The following CACHD1 variants were observed in gnomAD, a reference collection of about 807,000 sequenced individuals.
CACHD1 encodes VWFA and cache domain-containing protein 1.
Under a neutral mutation model 138.7 loss-of-function variants are expected in CACHD1, and 71 were observed. The ratio of observed to expected loss-of-function variants is 0.51; its 90% CI spans 0.42 to 0.62. The LOEUF (loss-of-function observed/expected upper bound fraction) is 0.62. Among genes scored for constraint, CACHD1 ranks in the 20% least tolerant of loss-of-function variants. The probability of loss-of-function intolerance (pLI) is 0.00; values close to 1 mark genes in which losing one functional copy is unlikely to be tolerated. For synonymous variants in CACHD1, 578 were observed against 591.5 expected (o/e 0.98, Z 0.33); for missense variants, 1,389 against 1,625.3 (o/e 0.85, Z 2.50).
chr1:64,672,660 C>A (rs1243084225), intron 17 of CACHD1, among the ~76,000 whole-genome samples: 1 of 152,138 alleles, frequency 6.6e-6, no homozygotes, highest in South Asian at 2.1e-4. Context: ...TGGAACATAT[C>A]TTCCACAGAT....
intron 26 of CACHD1, 135 bp from the exon 27 acceptor site, chr1:64,691,188 C>A: frequency 1.4e-6 from 1 of 732,150 alleles, no homozygotes; most frequent in Admixed American, 2.3e-5. Context: ...TTAGCATCTG[C>A]TGACAGTCTG....
intron 4 of CACHD1, among the ~76,000 whole-genome samples, chr1:64,624,178 T>G (rs1193932889): frequency 6.6e-6 from 1 of 152,200 alleles, no homozygotes. Context: ...AAATAATGGA[T>G]GTAATTTAAT....
chr1:64,639,589 C>A (rs1313103563), intron 7 of CACHD1, among the ~76,000 whole-genome samples: 2 of 152,144 alleles, frequency 1.3e-5, no homozygotes, highest in African/African-American at 4.8e-5. Flanking sequence ...TTCTTAGAGT[C>A]AAATTTTGTT....
At chr1:64,603,435 A>T (rs200822550) in intron 4 of CACHD1, among the ~76,000 whole-genome samples, 1 of 152,174 alleles carries the variant, frequency 6.6e-6, no homozygotes, top group South Asian at 2.1e-4. Context: ...ATAGCTATAT[A>T]TGGTACATGC....
At position 64,641,935 on chromosome 1, in the gene CACHD1, C is replaced by T. The variant is rs1446039271; in HGVS notation, c.1122C>T (p.Asn374=). The change falls in exon 8 of 27, where the codon AAC becomes AAT. Residue 374 remains asparagine, a synonymous_variant. Transcript: ENST00000651257. ...VINEENSFLN[N]SVMILTYALM... is the part of the protein sequence containing the mutation. ...ATGAAGAAAATAGCTTTCTAAACAACTCTGTAATGATTCTCACCTATGCCC... is the reference window on the plus strand; with the variant it reads ...ATGAAGAAAATAGCTTTCTAAACAATTCTGTAATGATTCTCACCTATGCCC... The T allele has an allele frequency of 1.2e-6, 2 of 1,602,388 alleles. No homozygotes were observed. Among genetic ancestry groups the T allele is most frequent in the Non-Finnish European group, 1.7e-6 (2 of 1,176,216 alleles).
intron 1 of CACHD1, among the ~76,000 whole-genome samples, chr1:64,549,800 T>TA (rs1317659402): frequency 2.1e-4 from 32 of 151,312 alleles, no homozygotes; most frequent in African/African-American, 3.6e-4. Context: ...TTTTTATTTT[T>TA]TTTATTTTTT....
intron 1 of CACHD1, among the ~76,000 whole-genome samples, chr1:64,542,761 G>A (rs1309557713): frequency 1.3e-5 from 2 of 152,048 alleles, no homozygotes; most frequent in Non-Finnish European, 2.9e-5. Flanking sequence ...GATAAATTTA[G>A]GAGTAAGACA....
rs554492961 is a variant in CACHD1 at position 64,586,296 on chromosome 1, T to A, written c.410+3992T>A. Among the ~76,000 whole-genome samples, 12 of 152,314 alleles carry A rather than the reference T, an allele frequency of 7.9e-5. No homozygotes were observed. In the South Asian group the frequency reaches 1.0e-3, roughly 13 times the overall value. ...CCAGGCTGGTCTCAAGCTTCTGACC[T>A]CAGGTGATCCACCCACCTTGGCCTC... On this transcript the variant is annotated intron_variant, in intron 3 of 26. Coordinates refer to ENST00000651257, the MANE Select transcript of CACHD1 (RefSeq NM_020925.4).
intron 2 of CACHD1, among the ~76,000 whole-genome samples, chr1:64,577,750 A>G (rs1470706505): frequency 1.3e-5 from 2 of 152,230 alleles, no homozygotes; most frequent in African/African-American, 4.8e-5. Context: ...GAATGTTGCT[A>G]CATGAAAGAC....
intron 3 of CACHD1, among the ~76,000 whole-genome samples, chr1:64,585,206 A>G (rs1647042686): frequency 6.6e-6 from 1 of 152,212 alleles, no homozygotes; most frequent in South Asian, 2.1e-4. Context: ...ACATACACAC[A>G]TGCATACATT....
intron 7 of CACHD1, among the ~76,000 whole-genome samples, chr1:64,639,756 A>G (rs995169752): frequency 8.5e-5 from 13 of 152,238 alleles, no homozygotes; most frequent in African/African-American, 3.1e-4. Context: ...AAGGGTAGCT[A>G]TATTCATTAA....
rs1646356617 is a variant in CACHD1 at position 64,504,448 on chromosome 1, TA to T, written c.198+33508del. Among the ~76,000 whole-genome samples, 5 of 152,348 alleles carry T rather than the reference TA, an allele frequency of 3.3e-5. No individual in the cohort carries two copies. In the South Asian group the frequency reaches 1.0e-3, roughly 32 times the overall value. On this transcript the variant is annotated intron_variant, in intron 1 of 26. Transcript: ENST00000651257. Reference sequence around the variant, plus strand: ...TTCTTGAGGAACACAGTCTCTGACTTAATGAATTTTCTAGCAAGTCTCAACC... The same window carrying T: ...TTCTTGAGGAACACAGTCTCTGACTTATGAATTTTCTAGCAAGTCTCAACC...
chr1:64,513,705 G>A (rs1646438290), intron 1 of CACHD1, among the ~76,000 whole-genome samples: 1 of 152,194 alleles, frequency 6.6e-6, no homozygotes, highest in South Asian at 2.1e-4. Context: ...AAATGGAAAT[G>A]AGTAAAGTAG....
chr1:64,523,617 T>G (rs1450964656), intron 1 of CACHD1, among the ~76,000 whole-genome samples: 1 of 152,220 alleles, frequency 6.6e-6, no homozygotes, highest in East Asian at 1.9e-4. Flanking sequence ...GTGCCGTTTT[T>G]CCTTCATGTG....
chr1:64,499,508 G>A (rs1646325359), intron 1 of CACHD1, among the ~76,000 whole-genome samples: 1 of 152,204 alleles, frequency 6.6e-6, no homozygotes, highest in Admixed American at 6.5e-5. Context: ...TTAGGAGATG[G>A]TGAAACTCAG....
intron 1 of CACHD1, among the ~76,000 whole-genome samples, chr1:64,474,154 T>C (rs1646161238): frequency 6.6e-6 from 1 of 152,204 alleles, no homozygotes; most frequent in South Asian, 2.1e-4. Context: ...CACTGAATAC[T>C]GTTCCCCTGA....
At chr1:64,664,862 A>G (rs765546152) in intron 15 of CACHD1, among the ~76,000 whole-genome samples, 183 bp downstream of exon 15, 14 of 152,168 alleles carry the variant, frequency 9.2e-5, no homozygotes, top group Admixed American at 3.3e-4. Flanking sequence ...GGTTTTTTCT[A>G]TCTAAAATGT....
At chr1:64,660,200 G>A (rs1412482973) in intron 13 of CACHD1, among the ~76,000 whole-genome samples, 3 of 152,190 alleles carry the variant, frequency 2.0e-5, no homozygotes, top group Non-Finnish European at 4.4e-5. Flanking sequence ...GCAAGCTACT[G>A]CTGGTGAAAA....
Position 64,680,254 on chromosome 1 carries a change from C to T in CACHD1, c.3406+498C>T, listed in dbSNP as rs538886400. ...CTGTAATCCCAGCACTTTGGGAGGC[C>T]GAGGTGGGTGGATCATTTGAGGTCA... is the stretch of plus-strand genomic sequence containing the variant. On this transcript the variant is annotated intron_variant, in intron 24 of 26. Transcript: ENST00000651257. Among the ~76,000 whole-genome samples, 15 of 152,108 alleles carry T rather than the reference C, an allele frequency of 9.9e-5. No homozygotes were observed. The East Asian group carries it at 1.9e-3, about 20-fold the overall frequency.
Sources: allele counts gnomAD v4.1 joint callset (sites outside exome capture counted in the v4.1 genomes callset), GRCh38; gene constraint gnomAD v4.1.1; transcripts MANE v1.5; gene names NCBI Gene and HGNC (gene_info 2026-07-23, HGNC 2026-07-21).